Variants in SH3RF3 observed in about 807,000 individuals in gnomAD.
The protein encoded by SH3RF3 is SH3 domain containing ring finger 3.
SH3RF3 carries 29 observed loss-of-function variants against 66.3 expected under a neutral mutation model. The ratio of observed to expected loss-of-function variants is 0.44; its 90% CI spans 0.33 to 0.60. The LOEUF is 0.60. Ranked by LOEUF, SH3RF3 falls within the 20% of genes least tolerant of loss-of-function variation. SH3RF3 has a pLI of 0.04. For synonymous variants in SH3RF3, 583 were observed against 532.0 expected (o/e 1.10, Z -1.32); for missense variants, 1,194 against 1,190.9 (o/e 1.00, Z -0.04).
chr2:109,462,367 A>G (rs1415448669), intron 8 of SH3RF3, among the ~76,000 whole-genome samples: 2 of 152,188 alleles, frequency 1.3e-5, no homozygotes, highest in East Asian at 1.9e-4. Flanking sequence ...ATCAGATACC[A>G]AGAGGTGTGG....
At chr2:109,438,920 C>T (rs937244819) in intron 7 of SH3RF3, among the ~76,000 whole-genome samples, 1 of 152,168 alleles carries the variant, frequency 6.6e-6, no homozygotes, top group African/African-American at 2.4e-5. Context: ...GCCCGGTGTT[C>T]TGTACAAATG....
At position 109,449,181 on chromosome 2, in the gene SH3RF3, G is replaced by A. The variant is rs1252593403; in HGVS notation, c.1840G>A (p.Ala614Thr). The A allele has an allele frequency of 3.7e-6, 6 of 1,613,512 alleles. No homozygotes were observed. The highest frequency in any genetic ancestry group is 3.4e-6 in the Non-Finnish European group (4 of 1,179,782). Residue 614 changes from alanine (A) to threonine (T), a missense_variant, in exon 8 of 10, where the codon GCA becomes ACA. Ala to Thr is a moderately conservative substitution (Grantham distance 58). Transcript: ENST00000309415. ...AACCCCGTCTCCAGCTGCCCACTCT[G>A]CAGCCCAGGCTCAGGACCGGCCAAC... ...RSTISTAAHS[A>T]AQAQDRPTAT...
At chr2:109,217,672 C>T (rs537681426) in intron 1 of SH3RF3, among the ~76,000 whole-genome samples, 7 of 152,342 alleles carry the variant, frequency 4.6e-5, no homozygotes, top group South Asian at 4.1e-4. Context: ...GCTCTCTCAC[C>T]GGCTAGAAGA....
chr2:109,176,607 C>T (rs1173390590), intron 1 of SH3RF3, among the ~76,000 whole-genome samples: 2 of 152,174 alleles, frequency 1.3e-5, no homozygotes, highest in African/African-American at 4.8e-5. Flanking sequence ...TGTGGTGGCA[C>T]ATGCCTGTAG....
chr2:109,421,781 C>T (rs1442013652), intron 5 of SH3RF3, among the ~76,000 whole-genome samples: 3 of 152,196 alleles, frequency 2.0e-5, no homozygotes, highest in Non-Finnish European at 1.5e-5. Context: ...CTGCAGGTGA[C>T]ACAGTGGCCC....
chr2:109,189,531 G>T (rs1285001541), intron 1 of SH3RF3, among the ~76,000 whole-genome samples: 1 of 151,992 alleles, frequency 6.6e-6, no homozygotes, highest in Non-Finnish European at 1.5e-5. Context: ...ACCACGCCCA[G>T]CTAATTTTTG....
chr2:109,272,900 A>G (rs1680662233), intron 1 of SH3RF3, among the ~76,000 whole-genome samples: 1 of 152,194 alleles, frequency 6.6e-6, no homozygotes, highest in South Asian at 2.1e-4. Flanking sequence ...TTCCCTTGTC[A>G]TGCCAAGACA....
chr2:109,429,357 G>T (rs1677126254), intron 5 of SH3RF3, among the ~76,000 whole-genome samples: 1 of 152,162 alleles, frequency 6.6e-6, no homozygotes, highest in Non-Finnish European at 1.5e-5. Context: ...AGTGAAGCTA[G>T]GCTTATTTAC....
At chr2:109,400,852 A>G (rs969954206) in intron 4 of SH3RF3, among the ~76,000 whole-genome samples, 19 of 152,176 alleles carry the variant, frequency 1.2e-4, no homozygotes, top group Admixed American at 4.6e-4. Context: ...TGTGCCTGGG[A>G]GCCATATTCC....
intron 1 of SH3RF3, among the ~76,000 whole-genome samples, chr2:109,160,959 C>T (rs72822649): frequency 0.03 from 4,589 of 152,050 alleles, 88 homozygotes; most frequent in Non-Finnish European, 0.046. Context: ...GAGAGGAGGG[C>T]GTGGCAGGGG....
At chr2:109,329,810 A>T (rs561420271) in intron 1 of SH3RF3, among the ~76,000 whole-genome samples, 9 of 152,346 alleles carry the variant, frequency 5.9e-5, no homozygotes, top group African/African-American at 2.2e-4. Context: ...CCCACCTTCA[A>T]CCCAGCTTCA....
chr2:109,323,602 C>A (rs763159216), intron 1 of SH3RF3, among the ~76,000 whole-genome samples: 1 of 152,168 alleles, frequency 6.6e-6, no homozygotes, highest in Non-Finnish European at 1.5e-5. Flanking sequence ...TGCATCTGCA[C>A]TGGGGCTGGA....
At chr2:109,491,318 C>G (rs1180281070) in intron 9 of SH3RF3, among the ~76,000 whole-genome samples, 1 of 152,130 alleles carries the variant, frequency 6.6e-6, no homozygotes, top group East Asian at 1.9e-4. Context: ...GCCTATGTGT[C>G]CCACTCAGGG....
chr2:109,172,118 G>A (rs1406699154), intron 1 of SH3RF3, among the ~76,000 whole-genome samples: 2 of 152,238 alleles, frequency 1.3e-5, no homozygotes, highest in Non-Finnish European at 2.9e-5. Context: ...GCAATGACCT[G>A]GGGCAGAGCG....
intron 1 of SH3RF3, among the ~76,000 whole-genome samples, chr2:109,259,373 A>G (rs1303507847): frequency 2.6e-5 from 4 of 152,260 alleles, no homozygotes; most frequent in African/African-American, 7.2e-5. Context: ...GAGGCATCCT[A>G]CATACCTGCA....
intron 1 of SH3RF3, among the ~76,000 whole-genome samples, chr2:109,282,943 A>T (rs13420743): frequency 0.04 from 6,138 of 152,192 alleles, 414 homozygotes; most frequent in African/African-American, 0.14. Flanking sequence ...CAATGGTGGC[A>T]TTGGGGCTGG....
rs1295626321 is a variant in SH3RF3 at position 109,347,879 on chromosome 2, A to G, written c.779A>G (p.Gln260Arg). 5.0e-6 allele frequency: 8 copies of G among 1,612,806 alleles called. No homozygotes were observed. Among genetic ancestry groups the G allele is most frequent in the Admixed American group, 1.7e-5 (1 of 59,862 alleles). The change falls in exon 2 of 10, where the codon CAG becomes CGG. Residue 260 changes from glutamine to arginine, a missense_variant. Gln to Arg is a conservative substitution (Grantham distance 43, BLOSUM62 1). Coordinates refer to ENST00000309415, the MANE Select transcript of SH3RF3 (RefSeq NM_001099289.3). ...CAGCCCTTGCCACACGCCCCGCCCC[A>G]GGGAAAAGCACTTTATGATTTCGAG... ...CIQPLPHAPP[Q>R]GKALYDFEMK... is the part of the protein sequence containing the mutation.
intron 1 of SH3RF3, among the ~76,000 whole-genome samples, chr2:109,281,858 G>A (rs1256648506): frequency 4.6e-5 from 7 of 152,166 alleles, no homozygotes; most frequent in Admixed American, 6.5e-5. Context: ...GACCCCCAGC[G>A]GGCTAGAGCT....
At position 109,149,536 on chromosome 2, in the gene SH3RF3, C is replaced by A. The variant is rs79523176; in HGVS notation, c.573+19423C>A. On this transcript the variant is annotated intron_variant, in intron 1 of 9. Transcript: ENST00000309415. ...CTACCATGAGGACCCAAGGGGAATT[C>A]GCTTGTTTGACAGAGCAAGTGTGTT... Among the ~76,000 whole-genome samples the A allele has an allele frequency of 6.0e-4, 92 of 152,286 alleles. No homozygotes were observed. The East Asian group carries it at 0.016, about 26-fold the overall frequency.
Sources: allele counts gnomAD v4.1 joint callset (sites outside exome capture counted in the v4.1 genomes callset), GRCh38; gene constraint gnomAD v4.1.1; transcripts MANE v1.5; gene names NCBI Gene and HGNC (gene_info 2026-07-23, HGNC 2026-07-21).